Variants in LARGE1 observed in about 807,000 individuals in gnomAD.
LARGE1 encodes the protein xylosyl- and glucuronyltransferase LARGE1.
Under a neutral mutation model 87.6 loss-of-function variants are expected in LARGE1, and 43 were observed. The observed-to-expected ratio is 0.49, with a 90% CI of 0.38 to 0.63. The LOEUF is 0.63. Among genes scored for constraint, LARGE1 ranks in the 30% least tolerant of loss-of-function variants. The probability of loss-of-function intolerance (pLI) is 0.00; values close to 1 mark genes in which losing one functional copy is unlikely to be tolerated. For missense variants in LARGE1, 802 were observed against 1,000.2 expected, an observed-to-expected ratio of 0.80 and a Z score of 2.67; for synonymous variants, 434 against 394.6, an observed-to-expected ratio of 1.10 and a Z score of -1.18.
At chr22:33,321,737 C>T in intron 10 of LARGE1, among the ~76,000 whole-genome samples, 1 of 152,126 alleles carries the variant, frequency 6.6e-6, no homozygotes, top group East Asian at 1.9e-4. Context: ...AGTAGCTGGT[C>T]CTCACCATGT....
chr22:33,357,771 G>A (rs1431410364), intron 9 of LARGE1, among the ~76,000 whole-genome samples: 1 of 152,058 alleles, frequency 6.6e-6, no homozygotes, highest in African/African-American at 2.4e-5. Flanking sequence ...TCCAGCCCAC[G>A]CAATAAGAGT....
At chr22:33,760,872 A>G (rs1303234951) in intron 2 of LARGE1, among the ~76,000 whole-genome samples, 1 of 152,144 alleles carries the variant, frequency 6.6e-6, no homozygotes, top group Non-Finnish European at 1.5e-5. Flanking sequence ...GTGAGCCACA[A>G]TCGCGCCACT....
chr22:33,645,453 T>C (rs1034348473), intron 3 of LARGE1, among the ~76,000 whole-genome samples: 2 of 152,154 alleles, frequency 1.3e-5, no homozygotes, highest in Middle Eastern at 3.2e-3. Context: ...CAAGATGGAT[T>C]AAAGACTTAA....
At chr22:33,816,674 G>GGATGGATGGATAGATA (rs145852114) in intron 1 of LARGE1, among the ~76,000 whole-genome samples, 1 of 141,328 alleles carries the variant, frequency 7.1e-6, no homozygotes, top group East Asian at 2.1e-4. Context: ...ACGGATGGAT[G>GGATGGATGGATAGATA]GATAGATAGA....
chr22:33,742,576 G>A (rs969707151), intron 2 of LARGE1, among the ~76,000 whole-genome samples: 14 of 152,194 alleles, frequency 9.2e-5, no homozygotes, highest in African/African-American at 2.7e-4. Flanking sequence ...GCAAGTCGCA[G>A]CATCAGATTC....
chr22:33,379,699 A>C (rs920837046), intron 9 of LARGE1, among the ~76,000 whole-genome samples: 28 of 152,298 alleles, frequency 1.8e-4, no homozygotes, highest in Admixed American at 9.2e-4. Context: ...AAACAATTGC[A>C]AGGATAGAAA....
At chr22:33,286,687 C>T (rs1294998738) in intron 12 of LARGE1, among the ~76,000 whole-genome samples, 11 of 149,470 alleles carry the variant, frequency 7.4e-5, no homozygotes, top group African/African-American at 2.1e-4. Flanking sequence ...TAGAAGGCTG[C>T]GAGGGCAGAA....
chr22:33,269,874 G>A (rs975172520), downstream of LARGE1, among the ~76,000 whole-genome samples: 13 of 151,842 alleles, frequency 8.6e-5, no homozygotes, highest in African/African-American at 1.7e-4. Flanking sequence ...GCGTGGTGGC[G>A]GGCGCCTGTA....
At chr22:33,599,222 C>G (rs1192413954) in intron 5 of LARGE1, among the ~76,000 whole-genome samples, 1 of 152,194 alleles carries the variant, frequency 6.6e-6, no homozygotes, top group Non-Finnish European at 1.5e-5. Context: ...CACTTGTTAG[C>G]AGTCTAATCT....
the LARGE1 span, among the ~76,000 whole-genome samples, chr22:33,087,051 TTC>T: frequency 1.3e-5 from 2 of 152,158 alleles, no homozygotes; most frequent in Non-Finnish European, 2.9e-5. Flanking sequence ...ACATTTTTCT[TTC>T]TGTTTTGTTT....
the LARGE1 span, among the ~76,000 whole-genome samples, chr22:33,150,274 C>A: frequency 3.9e-5 from 6 of 152,102 alleles, no homozygotes; most frequent in South Asian, 1.2e-3. Context: ...CTAAATAAAC[C>A]CCTCATTTTA....
chr22:33,360,324 AC>A (rs1235387592), intron 9 of LARGE1, among the ~76,000 whole-genome samples: 4 of 149,122 alleles, frequency 2.7e-5, no homozygotes, highest in Non-Finnish European at 4.5e-5. Flanking sequence ...AAAAACAAAA[AC>A]AAAAAAACCC....
At chr22:33,139,477 C>G in the LARGE1 span, among the ~76,000 whole-genome samples, 25 of 152,040 alleles carry the variant, frequency 1.6e-4, no homozygotes, top group Non-Finnish European at 3.1e-4. Flanking sequence ...TATTTTCCCT[C>G]ATTCTTTTTT....
At chr22:33,353,920 T>C (rs1601561210) in intron 9 of LARGE1, among the ~76,000 whole-genome samples, 1 of 152,222 alleles carries the variant, frequency 6.6e-6, no homozygotes, top group African/African-American at 2.4e-5. Flanking sequence ...CTAGATGCCA[T>C]TGATTTAGAT....
At chr22:33,212,870 T>C (rs1223254586) in intron 11 of LARGE1, among the ~76,000 whole-genome samples, 6 of 151,966 alleles carry the variant, frequency 3.9e-5, no homozygotes, top group Non-Finnish European at 8.8e-5. Flanking sequence ...ACAAAAAAAT[T>C]AGCTGGGCGT....
intron 5 of LARGE1, among the ~76,000 whole-genome samples, chr22:33,579,413 TATA>T (rs1395640964): frequency 6.6e-6 from 1 of 152,186 alleles, no homozygotes; most frequent in Non-Finnish European, 1.5e-5. Flanking sequence ...CAGTCTTGGG[TATA>T]TCTTTATCAG....
the LARGE1 span, among the ~76,000 whole-genome samples, chr22:33,126,697 T>C: frequency 3.3e-4 from 50 of 152,246 alleles, no homozygotes; most frequent in Non-Finnish European, 4.9e-4. Context: ...GTTGCATTGC[T>C]ATGGGGCAAG....
intron 6 of LARGE1, among the ~76,000 whole-genome samples, chr22:33,460,436 T>C (rs942935053): frequency 1.3e-5 from 2 of 151,900 alleles, no homozygotes; most frequent in African/African-American, 4.8e-5. Context: ...TAGAGAAAAA[T>C]AAATCATGGA....
chr22:33,440,221 A>G (rs770831695), intron 6 of LARGE1, among the ~76,000 whole-genome samples: 1 of 152,224 alleles, frequency 6.6e-6, no homozygotes, highest in African/African-American at 2.4e-5. Flanking sequence ...TAAATAAAAA[A>G]TATACATTAT....
Sources: allele counts gnomAD v4.1 joint callset (sites outside exome capture counted in the v4.1 genomes callset), GRCh38; gene constraint gnomAD v4.1.1; transcripts MANE v1.5; gene names NCBI Gene and HGNC (gene_info 2026-07-23, HGNC 2026-07-21).